GSK3B: variants seen among roughly 807,000 people sequenced by gnomAD.
The protein encoded by GSK3B is glycogen synthase kinase 3 beta.
GSK3B carries 15 observed loss-of-function variants against 56.4 expected under a neutral mutation model. The observed-to-expected ratio is 0.27, with a 90% confidence interval of 0.18 to 0.41. GSK3B has a LOEUF of 0.41. Ranked by LOEUF, GSK3B falls within the 10% of genes least tolerant of loss-of-function variation. The pLI is 1.00. For synonymous variants in GSK3B, 181 were observed against 188.9 expected (o/e 0.96, Z 0.34); for missense variants, 300 against 513.4 (o/e 0.58, Z 4.02).
At chr3:120,068,112 G>A (rs2058294786) in intron 1 of GSK3B, among the ~76,000 whole-genome samples, 1 of 152,090 alleles carries the variant, frequency 6.6e-6, no homozygotes, top group South Asian at 2.1e-4. Flanking sequence ...AATATTTGGG[G>A]CCAGGCGCGG....
At chr3:120,087,929 G>T (rs2058479046) in intron 1 of GSK3B, among the ~76,000 whole-genome samples, 1 of 151,680 alleles carries the variant, frequency 6.6e-6, no homozygotes. Flanking sequence ...GTCTCTCTCT[G>T]TCGCCCAGGC....
intron 1 of GSK3B, among the ~76,000 whole-genome samples, chr3:120,006,411 G>T (rs1260598374): frequency 6.6e-6 from 1 of 152,142 alleles, no homozygotes; most frequent in Admixed American, 6.5e-5. Context: ...GGACCAAGCG[G>T]ACCTAATAGA....
At chr3:119,994,873 C>T (rs1433260684) in intron 2 of GSK3B, among the ~76,000 whole-genome samples, 1 of 151,892 alleles carries the variant, frequency 6.6e-6, no homozygotes, top group Non-Finnish European at 1.5e-5. Context: ...TTCAATAAAG[C>T]CTGCATATTA....
chr3:119,948,954 A>G (rs2057128694), intron 2 of GSK3B, among the ~76,000 whole-genome samples: 1 of 152,104 alleles, frequency 6.6e-6, no homozygotes, highest in Non-Finnish European at 1.5e-5. Flanking sequence ...CACCTGCCTC[A>G]GCCTCCCAAA....
intron 9 of GSK3B, among the ~76,000 whole-genome samples, chr3:119,861,930 T>C (rs1577322127): frequency 6.6e-6 from 1 of 152,020 alleles, no homozygotes; most frequent in East Asian, 1.9e-4. Flanking sequence ...ACATAAGCAC[T>C]CTGATAACCA....
At chr3:119,828,772 A>G (rs751188353) in intron 10 of GSK3B, among the ~76,000 whole-genome samples, 2 of 152,118 alleles carry the variant, frequency 1.3e-5, no homozygotes, top group African/African-American at 2.4e-5. Context: ...AGCTGCCCTT[A>G]TATACATTTA....
At position 119,912,817 on chromosome 3, in the gene GSK3B, GAAA is replaced by G. The variant is rs757995891; in HGVS notation, c.609-10_609-8del. ...TCGGACCAGCTGCTTTGCACTAACA[GAAA>G]AAAAATAAAAATAAAAAGCAGAAAT... On this transcript the variant is annotated splice_polypyrimidine_tract_variant and splice_region_variant and intron_variant, in intron 5 of 10. Transcript: ENST00000264235. The G allele has an allele frequency of 2.0e-5, 29 of 1,446,644 alleles. No individual in the cohort carries two copies. The highest frequency in any genetic ancestry group is 1.7e-5 in the Non-Finnish European group (18 of 1,044,180). 89.6% of individuals were successfully genotyped at this position (1,446,644 alleles called of 1,614,324 possible).
At chr3:119,918,374 G>A (rs2056802928) in intron 4 of GSK3B, among the ~76,000 whole-genome samples, 1 of 151,664 alleles carries the variant, frequency 6.6e-6, no homozygotes, top group South Asian at 2.1e-4. Flanking sequence ...GAAGGCTGGG[G>A]CAGGAGAATT....
At chr3:119,839,473 G>A (rs763096598) in intron 10 of GSK3B, among the ~76,000 whole-genome samples, 1 of 151,996 alleles carries the variant, frequency 6.6e-6, no homozygotes, top group South Asian at 2.1e-4. Context: ...AACATAAAAA[G>A]TGTCCCAAGC....
At chr3:119,963,625 C>CAAAAAAAAAAAAAAAAA (rs774359104) in intron 2 of GSK3B, among the ~76,000 whole-genome samples, 1 of 79,196 alleles carries the variant, frequency 1.3e-5, no homozygotes, top group African/African-American at 4.4e-5. Context: ...TTCTTCCCCA[C>CAAAAAAAAAAAAAAAAA]AAAAAAAAAA....
intron 1 of GSK3B, among the ~76,000 whole-genome samples, chr3:120,052,409 A>G (rs772872855): frequency 8.4e-4 from 128 of 152,208 alleles, no homozygotes; most frequent in Non-Finnish European, 1.4e-3. Context: ...GTTACCGAGT[A>G]GTTCTGATAC....
intron 1 of GSK3B, among the ~76,000 whole-genome samples, chr3:120,023,210 A>T (rs75175685): frequency 4.4e-5 from 6 of 136,108 alleles, no homozygotes; most frequent in African/African-American, 1.5e-4. Context: ...ATACTCATTT[A>T]AAAAAAAAAA....
chr3:119,882,988 T>C (rs544427208), intron 7 of GSK3B, among the ~76,000 whole-genome samples: 2 of 152,312 alleles, frequency 1.3e-5, no homozygotes, highest in Admixed American at 1.3e-4. Flanking sequence ...TCACTATAAA[T>C]TATTTTAAAA....
chr3:120,031,343 T>C (rs1576284019), intron 1 of GSK3B, among the ~76,000 whole-genome samples: 1 of 152,292 alleles, frequency 6.6e-6, no homozygotes, highest in East Asian at 1.9e-4. Context: ...ATTCCTAAAT[T>C]AGCCCGCCAA....
chr3:119,858,311 T>G lies in GSK3B; in HGVS notation c.1096+5108A>C, dbSNP rs116170164. 5.7e-3 allele frequency among the ~76,000 whole-genome samples: 871 copies of G among 152,376 alleles called. 4 individuals are homozygous for G. Among genetic ancestry groups the G allele is most frequent in the Admixed American group, 9.3e-3 (143 of 15,298 alleles). ...CAATAGAAGGCTGTTCTGTCTCCACTGAAAATCTGTTGGTTAGTGTAGCTA... is the reference window on the plus strand; with the variant it reads ...CAATAGAAGGCTGTTCTGTCTCCACGGAAAATCTGTTGGTTAGTGTAGCTA... On this transcript the variant is annotated intron_variant, in intron 9 of 10. Coordinates refer to ENST00000264235, the MANE Select transcript of GSK3B (RefSeq NM_001146156.2).
intron 9 of GSK3B, among the ~76,000 whole-genome samples, chr3:119,850,162 A>AAGAAAT (rs1262670400): frequency 6.6e-6 from 1 of 152,134 alleles, no homozygotes; most frequent in Non-Finnish European, 1.5e-5. Context: ...TTAAGAAGAC[A>AAGAAAT]AGAAATAGAA....
At chr3:119,996,765 T>C (rs1218268649) in intron 2 of GSK3B, among the ~76,000 whole-genome samples, 1 of 152,098 alleles carries the variant, frequency 6.6e-6, no homozygotes, top group African/African-American at 2.4e-5. Context: ...GGAATAGTGA[T>C]GAAAGATACA....
At chr3:119,999,934 G>A (rs2057659976) in intron 2 of GSK3B, among the ~76,000 whole-genome samples, 1 of 152,208 alleles carries the variant, frequency 6.6e-6, no homozygotes, top group Admixed American at 6.5e-5. Flanking sequence ...TCTAGACTAT[G>A]AAGAACCATA....
intron 1 of GSK3B, among the ~76,000 whole-genome samples, chr3:120,003,944 T>C (rs1243013802): frequency 6.6e-6 from 1 of 152,208 alleles, no homozygotes; most frequent in Non-Finnish European, 1.5e-5. Flanking sequence ...GGGTGGGGCA[T>C]TGCCTCACCT....
Sources: gnomAD v4.1 joint callset for allele counts (sites outside exome capture counted in the v4.1 genomes callset) on GRCh38, gnomAD v4.1.1 for gene constraint, MANE v1.5 for transcripts, NCBI Gene and HGNC (gene_info 2026-07-23, HGNC 2026-07-21) for gene names.